Variants in VAV3 observed in about 807,000 individuals in gnomAD.
VAV3 encodes the protein guanine nucleotide exchange factor VAV3.
In VAV3, 94 loss-of-function variants were observed where a neutral mutation model predicts 131.2. The observed-to-expected ratio is 0.72, with a 90% CI of 0.61 to 0.85. VAV3 has a LOEUF of 0.85. Ranked by LOEUF, VAV3 falls within the 40% of genes least tolerant of loss-of-function variation. VAV3 has a pLI of 0.00. For synonymous variants in VAV3, 349 were observed against 342.0 expected, an observed-to-expected ratio of 1.02 and a Z score of -0.22; for missense variants, 939 against 1,002.7, an observed-to-expected ratio of 0.94 and a Z score of 0.86.
At chr1:107,761,551 C>T (rs767101096) in intron 9 of VAV3, among the ~76,000 whole-genome samples, 22 of 152,162 alleles carry the variant, frequency 1.4e-4, no homozygotes, top group Non-Finnish European at 2.5e-4. Context: ...CATCCCTACT[C>T]ATCAAAAGTG....
chr1:107,806,134 A>T (rs1667049858), intron 2 of VAV3, among the ~76,000 whole-genome samples: 1 of 152,160 alleles, frequency 6.6e-6, no homozygotes. Context: ...GTCCTCAGGG[A>T]TATTTCTCCC....
chr1:107,964,186 C>A (rs1393174990), intron 1 of VAV3, among the ~76,000 whole-genome samples: 2 of 152,180 alleles, frequency 1.3e-5, no homozygotes, highest in Non-Finnish European at 2.9e-5. Context: ...ATAACGGGAC[C>A]AAACGCCCTT....
chr1:107,905,322 C>T (rs551797878), intron 1 of VAV3, among the ~76,000 whole-genome samples: 2 of 152,326 alleles, frequency 1.3e-5, no homozygotes, highest in African/African-American at 4.8e-5. Context: ...ATTCTCTAAA[C>T]TCCTGTTTGC....
intron 2 of VAV3, among the ~76,000 whole-genome samples, chr1:107,783,164 G>C (rs1665786174): frequency 1.3e-5 from 2 of 152,270 alleles, no homozygotes; most frequent in East Asian, 1.9e-4. Flanking sequence ...GTAGACAAAG[G>C]GTTCTGCAAA....
At chr1:107,873,308 T>C (rs1169633967) in intron 2 of VAV3, among the ~76,000 whole-genome samples, 2 of 152,166 alleles carry the variant, frequency 1.3e-5, no homozygotes, top group South Asian at 2.1e-4. Context: ...TATATATTTT[T>C]CCAACATTTA....
At chr1:107,741,403 T>C (rs1663012146) in intron 15 of VAV3, among the ~76,000 whole-genome samples, 1 of 151,644 alleles carries the variant, frequency 6.6e-6, no homozygotes, top group Non-Finnish European at 1.5e-5. Flanking sequence ...CCTGAAGGGG[T>C]GGTGAGGCAA....
chr1:107,889,132 A>AGTGTGTGTGTGTGTGTGTGT (rs5776903), intron 1 of VAV3, among the ~76,000 whole-genome samples: 59 of 142,028 alleles, frequency 4.2e-4, no homozygotes, highest in South Asian at 1.4e-3. Context: ...TCCTGTGTAG[A>AGTGTGTGTGTGTGTGTGTGT]GTGTGTGTGT....
At chr1:107,728,634 T>TATGTAC in intron 15 of VAV3, among the ~76,000 whole-genome samples, 1 of 128,660 alleles carries the variant, frequency 7.8e-6, no homozygotes. Flanking sequence ...TGTATATGTA[T>TATGTAC]ATGTATATGT....
At chr1:107,599,211 T>C (rs1286703654) in intron 24 of VAV3, among the ~76,000 whole-genome samples, 1 of 152,192 alleles carries the variant, frequency 6.6e-6, no homozygotes, top group Non-Finnish European at 1.5e-5. Flanking sequence ...TTTAGTTCCA[T>C]TTTTACAGTC....
intron 1 of VAV3, among the ~76,000 whole-genome samples, chr1:107,927,126 G>C (rs1673196227): frequency 6.6e-6 from 1 of 151,616 alleles, no homozygotes; most frequent in Non-Finnish European, 1.5e-5. Flanking sequence ...CAGCAGGATA[G>C]GACATCACAG....
chr1:107,698,850 G>A (rs1014663746), intron 17 of VAV3, among the ~76,000 whole-genome samples: 1 of 152,150 alleles, frequency 6.6e-6, no homozygotes, highest in Non-Finnish European at 1.5e-5. Context: ...CCAGAGCAGG[G>A]AAAACTGCCT....
intron 2 of VAV3, among the ~76,000 whole-genome samples, chr1:107,799,772 A>G (rs1190630099): frequency 6.6e-6 from 1 of 152,180 alleles, no homozygotes; most frequent in East Asian, 1.9e-4. Flanking sequence ...TTAGTGATCT[A>G]TCACAGGCTA....
At chr1:107,832,400 G>T (rs544841092) in intron 2 of VAV3, among the ~76,000 whole-genome samples, 3 of 152,268 alleles carry the variant, frequency 2.0e-5, no homozygotes, top group Admixed American at 6.5e-5. Context: ...AAGAACCTTC[G>T]AAAATGTTTG....
At position 107,603,080 on chromosome 1, in the gene VAV3, G is replaced by A; in HGVS notation, c.2099C>T (p.Thr700Ile). ...VNSTYLVRHR[T>I]KESGEYAISI... ...AATTGCATATTCTCCTGACTCTTTG[G>A]TCCTGTGCCTCACAAGGTAAGTACT... Residue 700 changes from threonine (T) to isoleucine (I), a missense_variant, in exon 23 of 27, where the codon ACC becomes ATC. Coordinates refer to ENST00000370056, the MANE Select transcript of VAV3 (RefSeq NM_006113.5). The A allele has an allele frequency of 6.2e-7, 1 of 1,613,376 alleles. No homozygotes were observed. Among genetic ancestry groups the A allele is most frequent in the Non-Finnish European group, 8.5e-7 (1 of 1,179,664 alleles).
chr1:107,726,655 G>A (rs531775868), intron 15 of VAV3, among the ~76,000 whole-genome samples: 10 of 152,292 alleles, frequency 6.6e-5, no homozygotes, highest in South Asian at 4.1e-4. Flanking sequence ...TGCAAGATAC[G>A]ATATGTTTTA....
intron 20 of VAV3, among the ~76,000 whole-genome samples, chr1:107,628,939 A>AAT (rs1197952875): frequency 1.3e-5 from 2 of 152,332 alleles, no homozygotes; most frequent in East Asian, 3.9e-4. Flanking sequence ...CACTTCTTAG[A>AAT]ATAAAGATCG....
chr1:107,682,432 G>C (rs887826576), intron 19 of VAV3, among the ~76,000 whole-genome samples: 12 of 152,082 alleles, frequency 7.9e-5, no homozygotes, highest in African/African-American at 2.4e-4. Flanking sequence ...TTATTGCAGG[G>C]AGTCCTCTGC....
chr1:107,918,965 C>T (rs1232652629), intron 1 of VAV3, among the ~76,000 whole-genome samples: 1 of 152,046 alleles, frequency 6.6e-6, no homozygotes, highest in African/African-American at 2.4e-5. Flanking sequence ...CCTCAGCCTC[C>T]CAAAGTGTTG....
At chr1:107,642,581 G>A (rs1215783939) in intron 20 of VAV3, 38 bp downstream of exon 20, 2 of 1,605,652 alleles carry the variant, frequency 1.2e-6, no homozygotes, top group African/African-American at 2.7e-5. Context: ...CCCTCTCTTG[G>A]GGTCTGCATC....
Sources: gnomAD v4.1 joint callset for allele counts (sites outside exome capture counted in the v4.1 genomes callset) on GRCh38, gnomAD v4.1.1 for gene constraint, MANE v1.5 for transcripts, NCBI Gene and HGNC (gene_info 2026-07-23, HGNC 2026-07-21) for gene names.